NOX4: variants seen among roughly 807,000 people sequenced by gnomAD.
NOX4 encodes NADPH oxidase 4.
Under a neutral mutation model 87.6 loss-of-function variants are expected in NOX4, and 69 were observed. The ratio of observed to expected loss-of-function variants is 0.79; its 90% CI spans 0.65 to 0.96. The LOEUF (loss-of-function observed/expected upper bound fraction) is 0.96. Ranked by LOEUF, NOX4 falls within the 40% of genes least tolerant of loss-of-function variation. The pLI is 0.00. For missense variants in NOX4, 680 were observed against 681.5 expected, an observed-to-expected ratio of 1.00 and a Z score of 0.02; for synonymous variants, 275 against 238.2, an observed-to-expected ratio of 1.15 and a Z score of -1.42.
the NOX4 span, among the ~76,000 whole-genome samples, chr11:89,572,548 T>C: frequency 6.6e-6 from 1 of 151,748 alleles, no homozygotes; most frequent in East Asian, 1.9e-4. Flanking sequence ...TGTTTGTTTG[T>C]TTTGTTTTTC....
chr11:89,441,247 G>C (rs987025354), intron 5 of NOX4, among the ~76,000 whole-genome samples: 2 of 152,132 alleles, frequency 1.3e-5, no homozygotes, highest in African/African-American at 4.8e-5. Flanking sequence ...ATAAAAACCA[G>C]TTTCTGCTAC....
intron 7 of NOX4, 86 bp downstream of exon 7, chr11:89,432,698 T>C: frequency 1.1e-6 from 1 of 942,066 alleles, no homozygotes. Flanking sequence ...ACCAGGACAC[T>C]ACAATGGTTA....
chr11:89,505,483 G>A, the NOX4 span, among the ~76,000 whole-genome samples: 16 of 151,948 alleles, frequency 1.1e-4, no homozygotes, highest in African/African-American at 3.9e-4. Flanking sequence ...GCCTTTCTAA[G>A]GACCTGATAT....
chr11:89,346,187 G>A (rs1480273949), intron 13 of NOX4, among the ~76,000 whole-genome samples: 1 of 151,878 alleles, frequency 6.6e-6, no homozygotes, highest in Non-Finnish European at 1.5e-5. Context: ...ACAATAATTT[G>A]TAATTATTAT....
intron 6 of NOX4, among the ~76,000 whole-genome samples, chr11:89,438,614 T>C (rs1355253564): frequency 3.5e-5 from 3 of 86,108 alleles, no homozygotes; most frequent in Non-Finnish European, 6.0e-5. Flanking sequence ...ATATATAATA[T>C]ATAGTATATA....
At chr11:89,404,909 C>T (rs1942082832) in intron 8 of NOX4, among the ~76,000 whole-genome samples, 1 of 152,012 alleles carries the variant, frequency 6.6e-6, no homozygotes, top group Admixed American at 6.6e-5. Context: ...TTATATTACA[C>T]AGATGAGAAA....
At chr11:89,572,643 G>A in the NOX4 span, among the ~76,000 whole-genome samples, 1 of 152,146 alleles carries the variant, frequency 6.6e-6, no homozygotes, top group South Asian at 2.1e-4. Context: ...TCCACCTCCC[G>A]GGTTCACGCC....
chr11:89,430,520 A>T (rs1347838822), intron 7 of NOX4, among the ~76,000 whole-genome samples: 1 of 152,218 alleles, frequency 6.6e-6, no homozygotes, highest in African/African-American at 2.4e-5. Flanking sequence ...AGGATACAAA[A>T]TCAATGTGCA....
chr11:89,326,680 T>A lies in NOX4; in HGVS notation c.*76A>T. 7.7e-7 allele frequency: 1 copy of A among 1,300,012 alleles called. No homozygotes were observed. Among genetic ancestry groups the A allele is most frequent in the Non-Finnish European group, 1.1e-6 (1 of 926,374 alleles). 80.5% of individuals were successfully genotyped at this position (1,300,012 alleles called of 1,614,324 possible). On this transcript the variant is annotated 3_prime_UTR_variant, in exon 18 of 18. Transcript: ENST00000263317. ...CTATTCTTTGGCATAACACAGCTGA[T>A]TGATTCCGCTGAGTTTCAAAGTCTT...
chr11:89,488,676 C>T (rs1013590904), intron 2 of NOX4, among the ~76,000 whole-genome samples: 7 of 152,120 alleles, frequency 4.6e-5, no homozygotes, highest in Non-Finnish European at 1.5e-5. Flanking sequence ...ACAAATACCT[C>T]GTGATCCAGA....
intron 13 of NOX4, 123 bp from the exon 14 acceptor site, chr11:89,342,316 TGG>T: frequency 1.3e-6 from 1 of 773,406 alleles, no homozygotes; most frequent in Non-Finnish European, 2.1e-6. Context: ...CCTTATTTCA[TGG>T]TTTCTCATAG....
intron 11 of NOX4, among the ~76,000 whole-genome samples, chr11:89,399,461 A>ATATT (rs1941696168): frequency 7.2e-6 from 1 of 138,794 alleles, no homozygotes; most frequent in African/African-American, 2.6e-5. Context: ...ATATATATAT[A>ATATT]TATATATATA....
At position 89,451,842 on chromosome 11, in the gene NOX4, G is replaced by A. The variant is rs943026717; in HGVS notation, c.207C>T (p.Ser69=). 6 of 1,613,358 alleles carry A rather than the reference G, an allele frequency of 3.7e-6. No homozygotes were observed. Among genetic ancestry groups the A allele is most frequent in the Non-Finnish European group, 5.1e-6 (6 of 1,179,570 alleles). The part of the protein sequence containing the change: ...ASASVLNLNC[S]LILLPMCRTL... ...TTCGGCACATGGGTAAAAGGATAAGGCTGCAGTTGAGGTTAAGAACAGATG... is the reference window on the plus strand; with the variant it reads ...TTCGGCACATGGGTAAAAGGATAAGACTGCAGTTGAGGTTAAGAACAGATG... Residue 69 remains serine (S), a synonymous_variant, in exon 3 of 18, where the codon AGC becomes AGT. Coordinates refer to ENST00000263317, the MANE Select transcript of NOX4 (RefSeq NM_016931.5).
intron 2 of NOX4, among the ~76,000 whole-genome samples, chr11:89,486,175 C>T (rs1202399245): frequency 6.8e-6 from 1 of 146,228 alleles, no homozygotes; most frequent in Non-Finnish European, 1.5e-5. Flanking sequence ...AATACTTTCA[C>T]CTTCATTCTC....
chr11:89,442,961 A>C (rs1009872839), intron 5 of NOX4, among the ~76,000 whole-genome samples: 5 of 152,030 alleles, frequency 3.3e-5, no homozygotes, highest in African/African-American at 1.2e-4. Flanking sequence ...GGAGAAAGGG[A>C]AGCAGGTGGA....
chr11:89,580,837 C>A, the NOX4 span, among the ~76,000 whole-genome samples: 14 of 152,146 alleles, frequency 9.2e-5, no homozygotes, highest in Non-Finnish European at 1.3e-4. Flanking sequence ...TAACTCTAGT[C>A]ACTGCTCAAT....
chr11:89,394,852 A>G (rs1400288898), intron 11 of NOX4, among the ~76,000 whole-genome samples: 2 of 152,222 alleles, frequency 1.3e-5, no homozygotes, highest in Admixed American at 1.3e-4. Flanking sequence ...TTATGGCTGC[A>G]TAGCATTCCA....
intron 2 of NOX4, among the ~76,000 whole-genome samples, chr11:89,479,145 C>T (rs1051987516): frequency 1.4e-4 from 22 of 152,248 alleles, no homozygotes; most frequent in African/African-American, 5.3e-4. Flanking sequence ...GAGATCTTCA[C>T]CCTCCTTGAA....
intron 12 of NOX4, among the ~76,000 whole-genome samples, chr11:89,372,345 C>T (rs1408459963): frequency 6.6e-6 from 1 of 151,990 alleles, no homozygotes; most frequent in Non-Finnish European, 1.5e-5. Context: ...CTGAGGCATT[C>T]ATAATCTTCA....
Sources: allele counts gnomAD v4.1 joint callset (sites outside exome capture counted in the v4.1 genomes callset), GRCh38; gene constraint gnomAD v4.1.1; transcripts MANE v1.5; gene names NCBI Gene and HGNC (gene_info 2026-07-23, HGNC 2026-07-21).